Variants in SBF2 observed in about 807,000 individuals in gnomAD.
The protein encoded by SBF2 is myotubularin-related protein 13.
In SBF2, 112 loss-of-function variants were observed where a neutral mutation model predicts 225.2. The observed-to-expected ratio is 0.50, with a 90% confidence interval of 0.43 to 0.58. The LOEUF (loss-of-function observed/expected upper bound fraction) is 0.58, where lower values mean the gene tolerates loss of function less well. Among genes scored for constraint, SBF2 ranks in the 20% least tolerant of loss-of-function variants. The pLI is 0.00. For missense variants in SBF2, 1,996 were observed against 2,206.2 expected (o/e 0.90, Z 1.91); for synonymous variants, 763 against 773.3 (o/e 0.99, Z 0.22).
At chr11:10,209,605 TA>T (rs1275980919) in intron 1 of SBF2, among the ~76,000 whole-genome samples, 1 of 152,070 alleles carries the variant, frequency 6.6e-6, no homozygotes, top group East Asian at 1.9e-4. Context: ...ATGCTGTTTG[TA>T]CCCCCTATTA....
At chr11:9,849,502 C>A (rs1856776061) in intron 22 of SBF2, among the ~76,000 whole-genome samples, 1 of 152,060 alleles carries the variant, frequency 6.6e-6, no homozygotes, top group South Asian at 2.1e-4. Flanking sequence ...AAAATAGAAA[C>A]AGAAGTTATA....
chr11:10,035,035 G>A (rs190245938), intron 3 of SBF2, among the ~76,000 whole-genome samples: 29 of 152,180 alleles, frequency 1.9e-4, no homozygotes, highest in Non-Finnish European at 3.2e-4. Flanking sequence ...CAGAATCTCC[G>A]CTCGCTGCAA....
chr11:10,145,257 C>G (rs918759817), intron 2 of SBF2, among the ~76,000 whole-genome samples: 44 of 152,152 alleles, frequency 2.9e-4, no homozygotes, highest in African/African-American at 1.1e-3. Flanking sequence ...AGTACCAACC[C>G]TTGGCCTTTC....
chr11:10,148,226 C>T (rs903792246), intron 2 of SBF2, among the ~76,000 whole-genome samples: 3 of 152,072 alleles, frequency 2.0e-5, no homozygotes, highest in Admixed American at 1.3e-4. Flanking sequence ...GCAGGAGTAT[C>T]GCAGTAGAGA....
intron 2 of SBF2, among the ~76,000 whole-genome samples, chr11:10,170,658 A>G (rs1003990658): frequency 6.6e-6 from 1 of 152,062 alleles, no homozygotes; most frequent in Non-Finnish European, 1.5e-5. Flanking sequence ...TATAAACTTT[A>G]GAACTGTTTA....
rs189103586 is a variant in SBF2, at chr11:9,805,836, A to C, written c.4443+2164T>G. ...ATGGGGTTTCACCATGTTGGCCAGG[A>C]TGGTTTTGATCTCTTACCTCGTGAT... On this transcript the variant is annotated intron_variant, in intron 32 of 39. Coordinates refer to ENST00000256190, the MANE Select transcript of SBF2 (RefSeq NM_030962.4). 2.1e-3 allele frequency among the ~76,000 whole-genome samples: 327 copies of C among 152,160 alleles called. 2 individuals carry two copies. Among genetic ancestry groups the C allele is most frequent in the Middle Eastern group, 0.01 (3 of 294 alleles).
chr11:10,220,110 C>T lies in SBF2; in HGVS notation c.56-26123G>A, dbSNP rs142365644. 4.5e-3 allele frequency among the ~76,000 whole-genome samples: 684 copies of T among 152,296 alleles called. 4 individuals are homozygous for T. Among genetic ancestry groups the T allele is most frequent in the African/African-American group, 0.016 (650 of 41,572 alleles). ...AAAAAGGAAAGAAGTTTAATGGACTCACAGTTCCACATGGCTCAGGAGGCC... is the reference window on the plus strand; with the variant it reads ...AAAAAGGAAAGAAGTTTAATGGACTTACAGTTCCACATGGCTCAGGAGGCC... On this transcript the variant is annotated intron_variant, in intron 1 of 39. Coordinates refer to ENST00000256190, the MANE Select transcript of SBF2 (RefSeq NM_030962.4).
At chr11:10,112,495 A>G (rs1201527155) in intron 2 of SBF2, among the ~76,000 whole-genome samples, 2 of 152,222 alleles carry the variant, frequency 1.3e-5, no homozygotes, top group African/African-American at 2.4e-5. Flanking sequence ...CTCCCCAGCC[A>G]TGTGAAACTG....
intron 2 of SBF2, among the ~76,000 whole-genome samples, chr11:10,114,635 A>G (rs1316162716): frequency 6.6e-6 from 1 of 152,246 alleles, no homozygotes; most frequent in Non-Finnish European, 1.5e-5. Flanking sequence ...TTTTAATATC[A>G]ATTATTGTAT....
intron 3 of SBF2, among the ~76,000 whole-genome samples, chr11:10,037,287 A>G (rs556982466): frequency 2.0e-5 from 3 of 152,288 alleles, no homozygotes; most frequent in Non-Finnish European, 2.9e-5. Context: ...AGAATACACA[A>G]GTCTCCCAAT....
At chr11:10,137,923 C>T (rs2135124878) in intron 2 of SBF2, among the ~76,000 whole-genome samples, 1 of 152,082 alleles carries the variant, frequency 6.6e-6, no homozygotes, top group African/African-American at 2.4e-5. Context: ...TCGCTTGAAC[C>T]CAGGAGGCAG....
intron 1 of SBF2, among the ~76,000 whole-genome samples, chr11:10,235,892 A>ACC (rs780479303): frequency 6.6e-6 from 1 of 152,070 alleles, no homozygotes; most frequent in Non-Finnish European, 1.5e-5. Context: ...ACATAGTGAG[A>ACC]CCCCCCATCT....
chr11:10,177,374 T>A (rs1956515712), intron 2 of SBF2, among the ~76,000 whole-genome samples: 1 of 145,136 alleles, frequency 6.9e-6, no homozygotes, highest in Admixed American at 7.0e-5. Context: ...ATAAAGGCTA[T>A]TCAATTAGGA....
At position 10,031,094 on chromosome 11, in the gene SBF2, T is replaced by C. The variant is rs774524686; in HGVS notation, c.356A>G (p.Lys119Arg). Reference protein sequence around the residue: ...LIQPAEVFAPKSLVLVSRLYY... With the variant: ...LIQPAEVFAPRSLVLVSRLYY... ...TAATCTGGATACCAACACCAGGCTT[T>C]TGGGAGCAAACACTTCTGCAGGCTG... The change falls in exon 4 of 40, where the codon AAA (lysine) becomes AGA (arginine). Residue 119 changes from lysine to arginine, a missense_variant. Physicochemically the swap from Lys to Arg is conservative, Grantham distance 26. Transcript: ENST00000256190. 1 of 1,613,542 alleles carries C rather than the reference T, an allele frequency of 6.2e-7. No homozygotes were observed. Among genetic ancestry groups the C allele is most frequent in the Non-Finnish European group, 8.5e-7 (1 of 1,179,642 alleles).
chr11:10,110,902 C>T (rs893484829), intron 2 of SBF2, among the ~76,000 whole-genome samples: 9 of 152,040 alleles, frequency 5.9e-5, no homozygotes, highest in Non-Finnish European at 7.4e-5. Context: ...ACAGATATAA[C>T]GATACTTATT....
At chr11:9,853,497 A>T (rs756227337) in intron 20 of SBF2, 43 bp downstream of exon 20, 126 of 1,564,962 alleles carry the variant, frequency 8.1e-5, no homozygotes, top group Non-Finnish European at 1.0e-4. Context: ...GAAACTCAAT[A>T]ATCTCCAATA....
At chr11:10,062,159 C>G (rs760501738) in intron 2 of SBF2, among the ~76,000 whole-genome samples, 38 of 152,130 alleles carry the variant, frequency 2.5e-4, no homozygotes, top group Non-Finnish European at 4.9e-4. Flanking sequence ...GAAGCTGGAC[C>G]CCTTCCTCAC....
rs184454954 is a variant in SBF2, at chr11:10,000,711, A to C, written c.861+203T>G. Among the ~76,000 whole-genome samples, 255 of 152,294 alleles carry C rather than the reference A, an allele frequency of 1.7e-3. 1 individual carries two copies. Among genetic ancestry groups the C allele is most frequent in the African/African-American group, 5.9e-3 (245 of 41,566 alleles). On this transcript the variant is annotated intron_variant, in intron 8 of 39. Coordinates refer to ENST00000256190, the MANE Select transcript of SBF2 (RefSeq NM_030962.4). ...AGAGGGATATTTAAAAATATTAATA[A>C]ATTCCTTTATAAAACCTCCTATACT...
At chr11:10,288,131 A>T (rs1963921163) in intron 1 of SBF2, among the ~76,000 whole-genome samples, 1 of 152,204 alleles carries the variant, frequency 6.6e-6, no homozygotes, top group South Asian at 2.1e-4. Flanking sequence ...GGGAGCTCCC[A>T]GGTCTGGGCT....
Sources: gnomAD v4.1 joint callset for allele counts (sites outside exome capture counted in the v4.1 genomes callset) on GRCh38, gnomAD v4.1.1 for gene constraint, MANE v1.5 for transcripts, NCBI Gene and HGNC (gene_info 2026-07-23, HGNC 2026-07-21) for gene names.